The following SLCO4A1 variants were observed in gnomAD, a reference collection of about 807,000 sequenced individuals.
The protein encoded by SLCO4A1 is solute carrier organic anion transporter family member 4A1, also known as colon organic anion transporter.
A neutral mutation model predicts 64.6 loss-of-function variants in SLCO4A1; 51 were observed. The observed-to-expected ratio is 0.79, with a 90% CI of 0.63 to 1.00. The LOEUF is 1.00. SLCO4A1 is among the 50% of genes least tolerant of loss of function. The pLI, the probability that SLCO4A1 is intolerant of heterozygous loss-of-function variation, is 0.00. For synonymous variants in SLCO4A1, 471 were observed against 444.9 expected (o/e 1.06, Z -0.74); for missense variants, 919 against 980.5 (o/e 0.94, Z 0.84).
intron 1 of SLCO4A1, among the ~76,000 whole-genome samples, chr20:62,646,542 C>T (rs1981366440): frequency 6.6e-6 from 1 of 152,266 alleles, no homozygotes; most frequent in Non-Finnish European, 1.5e-5. Flanking sequence ...AAGCCACTTC[C>T]ACCCCAGCCA....
chr20:62,649,527 C>T (rs1982051399), intron 1 of SLCO4A1: 1 of 152,332 alleles, frequency 6.6e-6, no homozygotes, highest in Non-Finnish European at 1.5e-5. Flanking sequence ...AGAGTGGGCC[C>T]TGCAGAGGCC....
At chr20:62,658,048 G>A (rs1984060828) in intron 2 of SLCO4A1, among the ~76,000 whole-genome samples, 1 of 152,102 alleles carries the variant, frequency 6.6e-6, no homozygotes, top group African/African-American at 2.4e-5. Flanking sequence ...TGCACGGCCC[G>A]CCTGACCCCA....
chr20:62,658,620 C>T lies in SLCO4A1; in HGVS notation c.797-57C>T, dbSNP rs1301110232. 4.2e-6 allele frequency: 6 copies of T among 1,430,156 alleles called. No homozygotes were observed. In the Admixed American group the frequency reaches 5.9e-5, roughly 14 times the overall value. 88.6% of individuals were successfully genotyped at this position (1,430,156 alleles called of 1,614,324 possible). A position where few individuals can be genotyped will look rare whatever the true frequency, so the allele number is the denominator to read the frequency against. ...CTCCCAGGCACGGGGCCCCACACGG[C>T]CCTCCGCAGCCCCTGGGTGGTGCAC... On this transcript the variant is annotated intron_variant, in intron 2 of 11. Coordinates refer to ENST00000217159, the MANE Select transcript of SLCO4A1 (RefSeq NM_016354.4).
Position 62,660,521 on chromosome 20 carries a change from C to T in SLCO4A1, c.997C>T (p.Arg333Trp), listed in dbSNP as rs753034844. ...FTAVPILGYPRQLPGSQRYAV... is the reference protein window; with the variant it reads ...FTAVPILGYPWQLPGSQRYAV... ...CGCCGTTCCCATCCTTGGTTACCCT[C>T]GGCAGCTGCCAGGTGGGTTTCCCTT... is the stretch of plus-strand genomic sequence containing the variant. The change falls in exon 4 of 12, where the codon CGG becomes TGG. Residue 333 changes from arginine to tryptophan, a missense_variant. Physicochemically the swap from Arg to Trp is moderately radical, Grantham distance 101. Coordinates refer to ENST00000217159, the MANE Select transcript of SLCO4A1 (RefSeq NM_016354.4). 23 of 1,605,210 alleles carry T rather than the reference C, an allele frequency of 1.4e-5. No homozygotes were observed. The highest frequency in any genetic ancestry group is 9.3e-5 in the African/African-American group (7 of 74,942).
downstream of SLCO4A1, among the ~76,000 whole-genome samples, chr20:62,672,803 C>A (rs912273760): frequency 3.9e-5 from 6 of 152,078 alleles, no homozygotes; most frequent in African/African-American, 1.4e-4. Flanking sequence ...CCTTAAGAGA[C>A]CTCTGCCATC....
intron 11 of SLCO4A1, among the ~76,000 whole-genome samples, chr20:62,671,050 A>C (rs73918613): frequency 6.6e-6 from 1 of 152,270 alleles, no homozygotes; most frequent in African/African-American, 2.4e-5. Context: ...TTCCTGCCAC[A>C]TCGTCCTCTT....
At chr20:62,657,942 C>T (rs990635694) in intron 2 of SLCO4A1, among the ~76,000 whole-genome samples, 1 of 152,246 alleles carries the variant, frequency 6.6e-6, no homozygotes, top group African/African-American at 2.4e-5. Context: ...GCTCACTGCC[C>T]TGGGGCAGCC....
downstream of SLCO4A1, among the ~76,000 whole-genome samples, chr20:62,687,298 G>A (rs1002137833): frequency 3.9e-5 from 6 of 152,246 alleles, no homozygotes; most frequent in African/African-American, 7.2e-5. Context: ...TTGACCAAAC[G>A]CCACACAGCC....
At chr20:62,656,311 G>A in intron 1 of SLCO4A1, 48 bp from the exon 2 acceptor site, 1 of 682,326 alleles carries the variant, frequency 1.5e-6, no homozygotes, top group Non-Finnish European at 2.4e-6. Context: ...TGGATGTGCT[G>A]TACCCGTGGA....
downstream of SLCO4A1, among the ~76,000 whole-genome samples, chr20:62,687,054 A>AAAGGGCACCCCCAAACAGGCACGATGGG (rs1257983927): frequency 2.6e-4 from 35 of 132,546 alleles, 1 homozygote; most frequent in Middle Eastern, 4.5e-3. Context: ...GAGCAATGGG[A>AAAGGGCACCCCCAAACAGGCACGATGGG]AAGGGCACCC....
At chr20:62,689,328 C>G (rs971156906), downstream of SLCO4A1, among the ~76,000 whole-genome samples, 5 of 152,222 alleles carry the variant, frequency 3.3e-5, no homozygotes, top group African/African-American at 1.2e-4. Context: ...TGCCCCGTGC[C>G]TCGCAGGCCT....
rs1392656076 is a variant in SLCO4A1 at position 62,661,343 on chromosome 20, CA to C, written c.1121+169del. On this transcript the variant is annotated intron_variant, in intron 5 of 11. Transcript: ENST00000217159. The surrounding 1 kb of genome is among the most constrained non-coding windows in gnomAD (Gnocchi z 5.2). Reference sequence around the variant, plus strand: ...GGAGCAACAGATAGAGCCTCTGGGCCAGGGGCCGCAGACCCCGCCTCAGGGC... The same window carrying C: ...GGAGCAACAGATAGAGCCTCTGGGCCGGGGCCGCAGACCCCGCCTCAGGGC... Among the ~76,000 whole-genome samples the C allele has an allele frequency of 2.0e-5, 3 of 152,126 alleles. No homozygotes were observed. Among genetic ancestry groups the C allele is most frequent in the African/African-American group, 7.2e-5 (3 of 41,414 alleles).
At chr20:62,652,740 C>G (rs2427365) in intron 1 of SLCO4A1, among the ~76,000 whole-genome samples, 98,819 of 152,170 alleles carry the variant, frequency 0.65, 35,995 homozygotes, top group East Asian at 0.87. Flanking sequence ...GTAAATAAAC[C>G]CCCGGGTGTG....
At chr20:62,647,925 C>A (rs1444567998) in intron 1 of SLCO4A1, among the ~76,000 whole-genome samples, 1 of 152,248 alleles carries the variant, frequency 6.6e-6, no homozygotes, top group Non-Finnish European at 1.5e-5. Flanking sequence ...TCAGGGCCTC[C>A]TATCCCGGAG....
chr20:62,668,620 C>T (rs371336942), intron 10 of SLCO4A1, 79 bp downstream of exon 10: 17 of 1,341,000 alleles, frequency 1.3e-5, no homozygotes, highest in African/African-American at 8.6e-5. Flanking sequence ...TGTCTAACCA[C>T]CAAGGGGATG....
At chr20:62,657,384 G>A in intron 2 of SLCO4A1, 134 bp downstream of exon 2, 1 of 869,336 alleles carries the variant, frequency 1.2e-6, no homozygotes, top group Non-Finnish European at 1.7e-6. Flanking sequence ...TGGGGCTGCT[G>A]CAAGAGTTGG....
At chr20:62,672,798 A>G (rs1987378200), downstream of SLCO4A1, among the ~76,000 whole-genome samples, 1 of 152,124 alleles carries the variant, frequency 6.6e-6, no homozygotes, top group Admixed American at 6.5e-5. Flanking sequence ...GGTGTCCTTA[A>G]GAGACCTCTG....
At chr20:62,671,397 C>T (rs549245880) in intron 11 of SLCO4A1, among the ~76,000 whole-genome samples, 2 of 152,340 alleles carry the variant, frequency 1.3e-5, no homozygotes, top group South Asian at 2.1e-4. Flanking sequence ...TTGGGGCCCA[C>T]CTTAGATCCA....
chr20:62,670,991 G>A (rs1987131931), intron 11 of SLCO4A1, among the ~76,000 whole-genome samples: 1 of 152,270 alleles, frequency 6.6e-6, no homozygotes, highest in Non-Finnish European at 1.5e-5. Flanking sequence ...CGTGGGCATT[G>A]CGGCAGCATC....
Sources: gnomAD v4.1 joint callset for allele counts (sites outside exome capture counted in the v4.1 genomes callset) on GRCh38, gnomAD v4.1.1 for gene constraint, Gnocchi (gnomAD v3.1) non-coding constraint, MANE v1.5 for transcripts, NCBI Gene and HGNC (gene_info 2026-07-23, HGNC 2026-07-21) for gene names.